TMEM114: variants seen among roughly 807,000 people sequenced by gnomAD.
TMEM114 encodes the protein claudin-26.
Under a neutral mutation model 6.2 loss-of-function variants are expected in TMEM114, and 6 were observed. The observed-to-expected ratio is 0.97, with a 90% CI of 0.53 to 1.91. The LOEUF (loss-of-function observed/expected upper bound fraction) is 1.91. TMEM114 is among the 40% of genes most tolerant of loss of function. The probability of loss-of-function intolerance (pLI) is 0.01; values close to 1 mark genes in which losing one functional copy is unlikely to be tolerated. For synonymous variants in TMEM114, 104 were observed against 73.0 expected, an observed-to-expected ratio of 1.42 and a Z score of -2.16; for missense variants, 218 against 158.3, an observed-to-expected ratio of 1.38 and a Z score of -2.02.
chr16:8,532,643 G>A (rs1290193345), downstream of TMEM114, among the ~76,000 whole-genome samples: 1 of 152,174 alleles, frequency 6.6e-6, no homozygotes, highest in Non-Finnish European at 1.5e-5. Flanking sequence ...TAATCATTCA[G>A]GCCAGGCACA....
chr16:8,551,348 A>C (rs1299546682), intron 2 of TMEM114, among the ~76,000 whole-genome samples: 1 of 152,224 alleles, frequency 6.6e-6, no homozygotes, highest in Non-Finnish European at 1.5e-5. Flanking sequence ...TCCAAGCTCC[A>C]GCCCCTAGTA....
intron 2 of TMEM114, among the ~76,000 whole-genome samples, chr16:8,584,763 A>C (rs965570904): frequency 6.6e-6 from 1 of 151,964 alleles, no homozygotes; most frequent in Non-Finnish European, 1.5e-5. Context: ...CTCTACTAAA[A>C]ATACAAAAAT....
chr16:8,532,434 G>A, the TMEM114 span, among the ~76,000 whole-genome samples: 54 of 152,226 alleles, frequency 3.5e-4, no homozygotes, highest in African/African-American at 1.2e-3. Flanking sequence ...CTAGTATTAT[G>A]ATCGAAATTG....
intron 2 of TMEM114, among the ~76,000 whole-genome samples, chr16:8,538,554 C>A (rs1900428271): frequency 6.6e-6 from 1 of 151,960 alleles, no homozygotes; most frequent in Non-Finnish European, 1.5e-5. Flanking sequence ...GTCGCCCAGG[C>A]TGGAGTGCAG....
chr16:8,540,446 T>A (rs7187274), intron 2 of TMEM114, among the ~76,000 whole-genome samples: 14,597 of 152,218 alleles, frequency 0.096, 859 homozygotes, highest in Middle Eastern at 0.21. Flanking sequence ...TTGTCATAAG[T>A]GTTCAATGAA....
At chr16:8,542,986 C>T (rs146129607) in intron 2 of TMEM114, among the ~76,000 whole-genome samples, 39 of 152,312 alleles carry the variant, frequency 2.6e-4, no homozygotes, top group African/African-American at 9.4e-4. Flanking sequence ...AAATGTTATA[C>T]TGTAATAACT....
chr16:8,542,617 G>T (rs1304830134), intron 2 of TMEM114, among the ~76,000 whole-genome samples: 1 of 152,134 alleles, frequency 6.6e-6, no homozygotes, highest in Non-Finnish European at 1.5e-5. Flanking sequence ...GATTCTGTGG[G>T]TTTGGGGTGG....
At chr16:8,540,593 T>C (rs1900488413) in intron 2 of TMEM114, among the ~76,000 whole-genome samples, 1 of 142,728 alleles carries the variant, frequency 7.0e-6, no homozygotes, top group Non-Finnish European at 1.6e-5. Flanking sequence ...GACTTGGGAG[T>C]TGATAAGAAC....
rs1902422806 is a variant in TMEM114, at chr16:8,589,659, C to T, written c.180G>A (p.Glu60=). 1 of 398,520 alleles carries T rather than the reference C, an allele frequency of 2.5e-6. No individual in the cohort carries two copies. The highest frequency in any genetic ancestry group is 4.4e-6 in the Non-Finnish European group (1 of 226,010). The allele number at this position is 398,520 out of a possible 1,614,324, so 24.7% of individuals were successfully genotyped here. A position where few individuals can be genotyped will look rare whatever the true frequency, so the allele number is the denominator to read the frequency against. The change falls in exon 1 of 4, where the codon GAG becomes GAA. Residue 60 remains glutamate (E), a synonymous_variant. Transcript: ENST00000620492. ...LLGSINRSQP[E]PLSSHSGLWR... is the part of the protein sequence containing the mutation. ...AGAGGCCGGAGTGGGAGCTCAGAGG[C>T]TCGGGCTGGCTGCGATTGATGGACC...
At chr16:8,579,332 CT>C (rs1456449132) in intron 2 of TMEM114, among the ~76,000 whole-genome samples, 1 of 152,194 alleles carries the variant, frequency 6.6e-6, no homozygotes, top group Non-Finnish European at 1.5e-5. Flanking sequence ...GATCCACTTA[CT>C]ACAAGGAAGA....
At chr16:8,562,630 G>A (rs979014412) in intron 2 of TMEM114, among the ~76,000 whole-genome samples, 6 of 151,684 alleles carry the variant, frequency 4.0e-5, no homozygotes, top group African/African-American at 1.5e-4. Context: ...GTGAGTGAAT[G>A]AATCAGTCAG....
chr16:8,562,609 T>A (rs111208676), intron 2 of TMEM114, among the ~76,000 whole-genome samples: 7 of 150,766 alleles, frequency 4.6e-5, no homozygotes, highest in African/African-American at 1.7e-4. Context: ...AGTGAGTGAG[T>A]GAATGAGTGA....
intron 2 of TMEM114, among the ~76,000 whole-genome samples, chr16:8,560,785 A>G (rs1567201316): frequency 6.6e-6 from 1 of 152,134 alleles, no homozygotes; most frequent in Non-Finnish European, 1.5e-5. Flanking sequence ...CACCTCCAGG[A>G]GAAGGCACCA....
At chr16:8,562,729 G>T (rs1901302913) in intron 2 of TMEM114, among the ~76,000 whole-genome samples, 2 of 147,638 alleles carry the variant, frequency 1.4e-5, no homozygotes, top group African/African-American at 5.1e-5. Context: ...AGGGAGGGAG[G>T]GAATGAGTGA....
chr16:8,560,942 A>C (rs1358632624), intron 2 of TMEM114, among the ~76,000 whole-genome samples: 2 of 152,242 alleles, frequency 1.3e-5, no homozygotes, highest in African/African-American at 4.8e-5. Context: ...CAATCATGGC[A>C]GAAGGCAAAA....
the TMEM114 span, among the ~76,000 whole-genome samples, chr16:8,531,431 C>T: frequency 6.6e-6 from 1 of 152,190 alleles, no homozygotes; most frequent in Non-Finnish European, 1.5e-5. Context: ...AAATCAAGTA[C>T]TGCTTTTTAT....
Position 8,544,150 on chromosome 16 carries a change from T to C in TMEM114, n.213-6324A>G, listed in dbSNP as rs144275215. Among the ~76,000 whole-genome samples the C allele has an allele frequency of 8.5e-5, 13 of 152,364 alleles. No homozygotes were observed. The East Asian group carries it at 2.1e-3, about 25-fold the overall frequency. On this transcript the variant is annotated intron_variant and non_coding_transcript_variant, in intron 2 of 2. Transcript: ENST00000623677. ...TTTCTGTTTCCCATTTACTGACTTA[T>C]CAGTAGCAAGCAACTTTATATAGGC...
chr16:8,546,609 AG>A (rs1317591504), intron 2 of TMEM114, among the ~76,000 whole-genome samples: 1 of 152,222 alleles, frequency 6.6e-6, no homozygotes, highest in Non-Finnish European at 1.5e-5. Context: ...CCAAATGCCC[AG>A]GGTTCAAATA....
At chr16:8,559,755 T>C (rs1306490020) in intron 2 of TMEM114, among the ~76,000 whole-genome samples, 1 of 152,186 alleles carries the variant, frequency 6.6e-6, no homozygotes, top group Non-Finnish European at 1.5e-5. Context: ...GCAGTTGCGA[T>C]GCTGCCGACT....
Sources: gnomAD v4.1 joint callset for allele counts (sites outside exome capture counted in the v4.1 genomes callset) on GRCh38, gnomAD v4.1.1 for gene constraint, MANE v1.5 for transcripts, NCBI Gene and HGNC (gene_info 2026-07-23, HGNC 2026-07-21) for gene names.